HOOK3: variants seen among roughly 807,000 people sequenced by gnomAD.
The protein encoded by HOOK3 is protein Hook homolog 3.
In HOOK3, 24 loss-of-function variants were observed where a neutral mutation model predicts 116.3. That is an observed-to-expected ratio of 0.21 (90% CI 0.15 to 0.29). HOOK3 has a LOEUF of 0.29. HOOK3 is among the 10% of genes least tolerant of loss of function. The probability of loss-of-function intolerance (pLI) is 1.00; values close to 1 mark genes in which losing one functional copy is unlikely to be tolerated. For missense variants in HOOK3, 632 were observed against 830.2 expected (o/e 0.76, Z 2.93); for synonymous variants, 275 against 283.0 (o/e 0.97, Z 0.28).
In HOOK3 at chr8:42,951,305, G is replaced by A. The variant is rs192125898; in HGVS notation, c.468+850G>A. Among the ~76,000 whole-genome samples, 1,025 of 151,802 alleles carry A rather than the reference G, an allele frequency of 6.8e-3. 3 individuals are homozygous for A. The highest frequency in any genetic ancestry group is 9.9e-3 in the Non-Finnish European group (675 of 67,944). On this transcript the variant is annotated intron_variant, in intron 6 of 21. Transcript: ENST00000307602. ...CGAACTCCTGAGCCTCAGGTGATCC[G>A]CCCTCCCCAGCCTCCCAAAGTGCTA...
intron 6 of HOOK3, among the ~76,000 whole-genome samples, chr8:42,950,976 C>T (rs1372603924): frequency 5.3e-5 from 8 of 152,120 alleles, no homozygotes; most frequent in East Asian, 3.8e-4. Context: ...TGAGCCATCA[C>T]GCCCGGCCGA....
At chr8:42,900,944 G>A (rs1040608914) in intron 1 of HOOK3, among the ~76,000 whole-genome samples, 1 of 152,230 alleles carries the variant, frequency 6.6e-6, no homozygotes, top group Non-Finnish European at 1.5e-5. Flanking sequence ...CCCAGGTGAT[G>A]CCATTGTTGG....
At chr8:43,002,299 A>G (rs1008614163) in intron 17 of HOOK3, among the ~76,000 whole-genome samples, 158 bp downstream of exon 17, 2 of 152,190 alleles carry the variant, frequency 1.3e-5, no homozygotes, top group African/African-American at 4.8e-5. Context: ...ACTTCTCCCC[A>G]AGGTTCTCAG....
intron 2 of HOOK3, among the ~76,000 whole-genome samples, chr8:42,914,125 C>G (rs1216876945): frequency 1.3e-5 from 2 of 152,152 alleles, no homozygotes; most frequent in Non-Finnish European, 2.9e-5. Context: ...TGGTCGTGCT[C>G]CTCCATACTG....
Position 43,019,851 on chromosome 8 carries a change from G to A in HOOK3, c.*1353G>A, listed in dbSNP as rs1015878366. ...TTGCAACGTAGCCCATTTTTTGAAA[G>A]CAAAACATTTCTGAAATTAGGTCAT... On this transcript the variant is annotated 3_prime_UTR_variant, in exon 22 of 22. Transcript: ENST00000307602. 2 of 204,014 alleles carry A rather than the reference G, an allele frequency of 9.8e-6. No individual in the cohort carries two copies. Among genetic ancestry groups the A allele is most frequent in the African/African-American group, 2.3e-5 (1 of 43,774 alleles). 12.6% of individuals were successfully genotyped at this position (204,014 alleles called of 1,614,324 possible).
chr8:42,950,142 A>G (rs961774678), intron 5 of HOOK3, among the ~76,000 whole-genome samples: 3 of 152,188 alleles, frequency 2.0e-5, no homozygotes, highest in African/African-American at 7.2e-5. Context: ...CCAATATTCC[A>G]TTCTCGTGAC....
intron 15 of HOOK3, among the ~76,000 whole-genome samples, chr8:42,997,220 A>G (rs557325356): frequency 6.6e-6 from 1 of 152,252 alleles, no homozygotes; most frequent in African/African-American, 2.4e-5. Flanking sequence ...ATCTTTTAAT[A>G]CTAGTGCTGA....
chr8:42,968,361 A>T (rs1237616151), intron 11 of HOOK3, 147 bp downstream of exon 11: 1 of 598,940 alleles, frequency 1.7e-6, no homozygotes, highest in East Asian at 3.0e-5. Flanking sequence ...ACTGAGTCTC[A>T]CTCTGTCACC....
chr8:42,961,490 T>C (rs1386300474), intron 8 of HOOK3, among the ~76,000 whole-genome samples: 1 of 152,166 alleles, frequency 6.6e-6, no homozygotes, highest in South Asian at 2.1e-4. Context: ...TAGTTTAAAG[T>C]TGCAGAGGTG....
At chr8:42,946,408 A>G (rs1586604297) in intron 5 of HOOK3, among the ~76,000 whole-genome samples, 1 of 152,178 alleles carries the variant, frequency 6.6e-6, no homozygotes, top group Non-Finnish European at 1.5e-5. Flanking sequence ...CCACCACACT[A>G]TAATTGGAGT....
intron 3 of HOOK3, among the ~76,000 whole-genome samples, chr8:42,928,532 T>C (rs16891647): frequency 0.044 from 6,770 of 152,270 alleles, 367 homozygotes; most frequent in Admixed American, 0.15. Flanking sequence ...CTGATCATTT[T>C]GTGTCTGCTT....
chr8:43,000,245 G>A, intron 16 of HOOK3: 1 of 1,279,946 alleles, frequency 7.8e-7, no homozygotes, highest in South Asian at 1.2e-5. Context: ...TGTCCTCTCT[G>A]TCTCTTGGCA....
At position 42,957,134 on chromosome 8, in the gene HOOK3, C is replaced by A; in HGVS notation, c.509C>A (p.Ala170Asp). ...KESPVSAGND[A>D]YVDLDRQLKK... The stretch of plus-strand genomic sequence containing the variant: ...TCTCCTGTCTCTGCTGGAAATGATG[C>A]CTATGTTGACCTTGATCGTCAGGTA... The change falls in exon 7 of 22, where the codon GCC becomes GAC. Residue 170 changes from alanine (A) to aspartate (D), a missense_variant. Ala to Asp is a moderately radical substitution (Grantham distance 126). Coordinates refer to ENST00000307602, the MANE Select transcript of HOOK3 (RefSeq NM_032410.4). The A allele has an allele frequency of 1.3e-6, 2 of 1,589,296 alleles. No homozygotes were observed. Among genetic ancestry groups the A allele is most frequent in the Non-Finnish European group, 1.7e-6 (2 of 1,163,574 alleles).
chr8:42,950,290 C>A, intron 5 of HOOK3, 98 bp from the exon 6 acceptor site: 1 of 782,034 alleles, frequency 1.3e-6, no homozygotes, highest in Non-Finnish European at 2.2e-6. Context: ...AATCAAAACA[C>A]AGGGAAATGA....
chr8:42,940,087 C>G (rs1023913846), intron 4 of HOOK3, among the ~76,000 whole-genome samples: 2 of 152,162 alleles, frequency 1.3e-5, no homozygotes, highest in Non-Finnish European at 2.9e-5. Context: ...GGGCGGCGGC[C>G]GGGCAGAGGC....
chr8:42,979,635 G>A lies in HOOK3; in HGVS notation c.1322-2992G>A, dbSNP rs1808896401. ...CATTTCACCTCCTAGCCCTCTCTCT[G>A]TTTTCTTATTAATCAGCTCTCTTCT... On this transcript the variant is annotated intron_variant, in intron 13 of 21. Coordinates refer to ENST00000307602, the MANE Select transcript of HOOK3 (RefSeq NM_032410.4). Among the ~76,000 whole-genome samples the A allele has an allele frequency of 2.0e-5, 3 of 151,912 alleles. No individual in the cohort carries two copies. In the South Asian group the frequency reaches 6.2e-4, roughly 32 times the overall value.
chr8:42,933,542 C>CGA (rs1807909952), intron 4 of HOOK3, among the ~76,000 whole-genome samples: 1 of 152,218 alleles, frequency 6.6e-6, no homozygotes, highest in South Asian at 2.1e-4. Flanking sequence ...CATTGCCTTT[C>CGA]ACCCTCCTTC....
At chr8:42,984,459 A>C (rs1332400139) in intron 14 of HOOK3, among the ~76,000 whole-genome samples, 1 of 152,176 alleles carries the variant, frequency 6.6e-6, no homozygotes, top group African/African-American at 2.4e-5. Context: ...CTTTTCTGCC[A>C]TCTGATATGC....
intron 2 of HOOK3, among the ~76,000 whole-genome samples, chr8:42,917,798 A>G (rs577830889): frequency 3.9e-4 from 59 of 152,270 alleles, no homozygotes; most frequent in African/African-American, 1.3e-3. Flanking sequence ...ATAGTACACT[A>G]AGTTGTCTGT....
Sources: gnomAD v4.1 joint callset for allele counts (sites outside exome capture counted in the v4.1 genomes callset) on GRCh38, gnomAD v4.1.1 for gene constraint, MANE v1.5 for transcripts, NCBI Gene and HGNC (gene_info 2026-07-23, HGNC 2026-07-21) for gene names.